LGSN: variants seen among roughly 807,000 people sequenced by gnomAD.
The protein encoded by LGSN is lengsin, lens protein with glutamine synthetase domain.
LGSN carries 21 observed loss-of-function variants against 19.5 expected under a neutral mutation model. The observed-to-expected ratio is 1.07, with a 90% CI of 0.76 to 1.55. The LOEUF is 1.55. Ranked by LOEUF, LGSN falls within the 40% of genes most tolerant of loss-of-function variation. The probability of loss-of-function intolerance (pLI) is 0.00; values close to 1 mark genes in which losing one functional copy is unlikely to be tolerated. For synonymous variants in LGSN, 257 were observed against 215.6 expected (o/e 1.19, Z -1.68); for missense variants, 673 against 608.5 (o/e 1.11, Z -1.12).
intron 1 of LGSN, among the ~76,000 whole-genome samples, chr6:63,304,033 A>G (rs1295310553): frequency 6.6e-6 from 1 of 152,214 alleles, no homozygotes. Context: ...GGAACAACAC[A>G]GTGGGAAAAG....
At chr6:63,516,931 G>A in the LGSN span, among the ~76,000 whole-genome samples, 4 of 152,238 alleles carry the variant, frequency 2.6e-5, no homozygotes, top group Middle Eastern at 0.01. Context: ...CTCTGCCACC[G>A]TATCATATCA....
the LGSN span, among the ~76,000 whole-genome samples, chr6:63,380,911 G>A: frequency 1.3e-5 from 2 of 152,088 alleles, no homozygotes; most frequent in Non-Finnish European, 1.5e-5. Context: ...TGTTAAAAGT[G>A]ATGGGCCAGG....
chr6:63,320,049 C>A (rs1390468689), upstream of LGSN: 19 of 861,100 alleles, frequency 2.2e-5, no homozygotes, highest in East Asian at 4.5e-4. Context: ...ATGATGAATT[C>A]CATAGAGGCT....
intron 3 of LGSN, among the ~76,000 whole-genome samples, chr6:63,281,625 G>T (rs934747349): frequency 1.3e-5 from 2 of 151,884 alleles, no homozygotes; most frequent in Non-Finnish European, 2.9e-5. Context: ...TTCAGATAAG[G>T]CTTTCTTTTT....
the LGSN span, among the ~76,000 whole-genome samples, chr6:63,475,159 G>A: frequency 6.6e-6 from 1 of 152,020 alleles, no homozygotes; most frequent in South Asian, 2.1e-4. Context: ...CAGAAATGCT[G>A]CTATAAAATG....
the LGSN span, among the ~76,000 whole-genome samples, chr6:63,460,100 C>CTTTTTTTTTTTTTTTTTT: frequency 3.0e-4 from 17 of 56,132 alleles, no homozygotes; most frequent in East Asian, 5.2e-4. Context: ...ATTTCATTCC[C>CTTTTTTTTTTTTTTTTTT]TTTTTTTTTT....
chr6:63,525,973 G>C, the LGSN span, among the ~76,000 whole-genome samples: 1 of 151,970 alleles, frequency 6.6e-6, no homozygotes, highest in African/African-American at 2.4e-5. Context: ...ACCTTCTTTC[G>C]GTACCAGTAT....
the LGSN span, among the ~76,000 whole-genome samples, chr6:63,476,980 G>T: frequency 6.6e-6 from 1 of 152,164 alleles, no homozygotes; most frequent in Non-Finnish European, 1.5e-5. Context: ...CTGAAGCTAT[G>T]GCTTTTAATT....
At chr6:63,412,398 G>GGAAA in the LGSN span, among the ~76,000 whole-genome samples, 29 of 90,410 alleles carry the variant, frequency 3.2e-4, no homozygotes, top group East Asian at 1.1e-3. Flanking sequence ...GATGAAAGAA[G>GGAAA]GAAAGAAAGA....
At chr6:63,348,197 A>G in the LGSN span, among the ~76,000 whole-genome samples, 2 of 152,134 alleles carry the variant, frequency 1.3e-5, no homozygotes, top group African/African-American at 4.8e-5. Context: ...ACAGACTAAT[A>G]TAAAAGTATG....
At chr6:63,429,608 C>T in the LGSN span, among the ~76,000 whole-genome samples, 3 of 151,882 alleles carry the variant, frequency 2.0e-5, no homozygotes, top group Non-Finnish European at 4.4e-5. Flanking sequence ...TGGTCGCGGG[C>T]GCCTGTAATT....
the LGSN span, among the ~76,000 whole-genome samples, chr6:63,432,832 A>G: frequency 6.6e-6 from 1 of 152,224 alleles, no homozygotes; most frequent in Admixed American, 6.5e-5. Flanking sequence ...CCAGAGGTAC[A>G]TGTTTACACT....
the LGSN span, among the ~76,000 whole-genome samples, chr6:63,447,094 A>G: frequency 2.6e-5 from 4 of 152,382 alleles, no homozygotes; most frequent in East Asian, 7.7e-4. Flanking sequence ...TCACTTTAGC[A>G]TTGGATAGCA....
At chr6:63,297,943 G>A (rs1338392799) in intron 1 of LGSN, among the ~76,000 whole-genome samples, 1 of 152,090 alleles carries the variant, frequency 6.6e-6, no homozygotes, top group Non-Finnish European at 1.5e-5. Flanking sequence ...CCCATCTTCT[G>A]TACCAAGATG....
chr6:63,368,015 C>T, the LGSN span, among the ~76,000 whole-genome samples: 1 of 151,250 alleles, frequency 6.6e-6, no homozygotes, highest in East Asian at 1.9e-4. Flanking sequence ...GGGTACAGCA[C>T]ACCAACATGG....
chr6:63,381,832 C>T, the LGSN span, among the ~76,000 whole-genome samples: 4 of 152,198 alleles, frequency 2.6e-5, no homozygotes, highest in African/African-American at 4.8e-5. Context: ...CATTATAGCT[C>T]AAAGCATAGT....
chr6:63,412,695 GA>G, the LGSN span, among the ~76,000 whole-genome samples: 1 of 114,332 alleles, frequency 8.7e-6, no homozygotes, highest in African/African-American at 3.6e-5. Flanking sequence ...GAAAGAGAAA[GA>G]AAGAAAGAAA....
chr6:63,437,439 T>TC, the LGSN span, among the ~76,000 whole-genome samples: 1 of 152,176 alleles, frequency 6.6e-6, no homozygotes, highest in African/African-American at 2.4e-5. Context: ...TTTGTTTTTT[T>TC]GAGACAGAGT....
the LGSN span, among the ~76,000 whole-genome samples, chr6:63,472,952 A>C: frequency 6.6e-6 from 1 of 151,016 alleles, no homozygotes; most frequent in Non-Finnish European, 1.5e-5. Context: ...AAAAAATAAA[A>C]TAAAAATAAA....
Sources: allele counts gnomAD v4.1 joint callset (sites outside exome capture counted in the v4.1 genomes callset), GRCh38; gene constraint gnomAD v4.1.1; transcripts MANE v1.5; gene names NCBI Gene and HGNC (gene_info 2026-07-23, HGNC 2026-07-21).